The following DENND1A variants were observed in gnomAD, a reference collection of about 807,000 sequenced individuals.
DENND1A encodes DENN domain-containing protein 1A.
Under a neutral mutation model 113.7 loss-of-function variants are expected in DENND1A, and 51 were observed. The observed-to-expected ratio is 0.45, with a 90% CI of 0.36 to 0.57. The LOEUF is 0.57. Ranked by LOEUF, DENND1A falls within the 20% of genes least tolerant of loss-of-function variation. The probability of loss-of-function intolerance (pLI) is 0.00; values close to 1 mark genes in which losing one functional copy is unlikely to be tolerated. For synonymous variants in DENND1A, 565 were observed against 570.8 expected (o/e 0.99, Z 0.14); for missense variants, 1,258 against 1,395.9 (o/e 0.90, Z 1.57).
intron 13 of DENND1A, chr9:123,485,636 G>GTGTGTGTGTGTGCGCA (rs2050750638): frequency 2.0e-4 from 19 of 93,996 alleles, no homozygotes; most frequent in Admixed American, 9.5e-4. Context: ...GTGTGTGCGC[G>GTGTGTGTGTGTGCGCA]TACACACACG....
Position 123,381,294 on chromosome 9 carries a change from G to C in DENND1A, c.*138C>G, listed in dbSNP as rs2042253064. The C allele has an allele frequency of 1.2e-5, 9 of 772,278 alleles. No homozygotes were observed. Among genetic ancestry groups the C allele is most frequent in the Non-Finnish European group, 1.5e-5 (7 of 482,712 alleles). The allele number at this position is 772,278 out of a possible 1,614,324, so 47.8% of individuals were successfully genotyped here. On this transcript the variant is annotated 3_prime_UTR_variant, in exon 24 of 24. Transcript: ENST00000394215. The surrounding 1 kb of genome is among the most constrained non-coding windows in gnomAD (Gnocchi z 4.7). ...TCAGAGATGGGCAGTGTGGAGGGGAGGAGGGGGCAGCAGAGAGGGGTCCCA... is the reference window on the plus strand; with the variant it reads ...TCAGAGATGGGCAGTGTGGAGGGGACGAGGGGGCAGCAGAGAGGGGTCCCA...
chr9:123,443,063 C>T (rs1345210912), intron 18 of DENND1A, among the ~76,000 whole-genome samples: 1 of 152,124 alleles, frequency 6.6e-6, no homozygotes, highest in East Asian at 1.9e-4. Context: ...CCACAATGAT[C>T]ACAAGGTAAA....
intron 5 of DENND1A, among the ~76,000 whole-genome samples, chr9:123,727,173 G>A (rs2067769923): frequency 6.6e-6 from 1 of 152,140 alleles, no homozygotes; most frequent in African/African-American, 2.4e-5. Flanking sequence ...AACCACTGAA[G>A]GAAATATAAT....
intron 2 of DENND1A, among the ~76,000 whole-genome samples, chr9:123,799,510 G>A (rs1834298893): frequency 6.6e-6 from 1 of 152,146 alleles, no homozygotes; most frequent in African/African-American, 2.4e-5. Flanking sequence ...ATCAGCACAG[G>A]GGCATCTGGC....
intron 10 of DENND1A, among the ~76,000 whole-genome samples, chr9:123,623,487 C>T (rs2061051367): frequency 6.6e-6 from 1 of 152,040 alleles, no homozygotes; most frequent in Non-Finnish European, 1.5e-5. Context: ...GATTTGAATC[C>T]AGGTCTGCCT....
chr9:123,904,413 T>C (rs1852364479), intron 1 of DENND1A, among the ~76,000 whole-genome samples: 1 of 150,968 alleles, frequency 6.6e-6, no homozygotes, highest in Non-Finnish European at 1.5e-5. Context: ...GACGATCAAA[T>C]TACTCTGAGC....
At chr9:123,863,843 G>C (rs1055365560) in intron 2 of DENND1A, among the ~76,000 whole-genome samples, 2 of 152,244 alleles carry the variant, frequency 1.3e-5, no homozygotes, top group African/African-American at 4.8e-5. Context: ...AGGAAGCTGA[G>C]TATGGGCACA....
intron 9 of DENND1A, 126 bp from the exon 10 acceptor site, chr9:123,630,602 A>G (rs2061435071): frequency 7.0e-6 from 4 of 570,412 alleles, no homozygotes; most frequent in Non-Finnish European, 1.1e-5. Flanking sequence ...ACCTGGAGAA[A>G]TCATTCTAAG....
chr9:123,393,939 G>A (rs1330493150), intron 21 of DENND1A, among the ~76,000 whole-genome samples: 2 of 151,960 alleles, frequency 1.3e-5, no homozygotes, highest in Non-Finnish European at 2.9e-5. Context: ...GTGGGGGCGT[G>A]CCTGGCTCAA....
chr9:123,389,693 A>C (rs1309593474), intron 21 of DENND1A, among the ~76,000 whole-genome samples: 1 of 152,228 alleles, frequency 6.6e-6, no homozygotes, highest in African/African-American at 2.4e-5. Flanking sequence ...TGAGTAAATA[A>C]ATCTGTGGAG....
chr9:123,731,361 G>A (rs1297750454), intron 5 of DENND1A, among the ~76,000 whole-genome samples: 1 of 152,142 alleles, frequency 6.6e-6, no homozygotes, highest in Non-Finnish European at 1.5e-5. Context: ...TGATGGATAC[G>A]CAGAACAATG....
intron 5 of DENND1A, among the ~76,000 whole-genome samples, chr9:123,678,441 T>C (rs1396915684): frequency 6.6e-6 from 1 of 152,146 alleles, no homozygotes. Context: ...GAGAAGAAGG[T>C]TGTACCAAGC....
At chr9:123,505,703 T>C (rs1401440467) in intron 13 of DENND1A, among the ~76,000 whole-genome samples, 2 of 152,220 alleles carry the variant, frequency 1.3e-5, no homozygotes, top group African/African-American at 2.4e-5. Flanking sequence ...AACCGGAACG[T>C]GAAATATTCC....
intron 2 of DENND1A, among the ~76,000 whole-genome samples, chr9:123,834,592 C>T (rs1387082151): frequency 3.9e-5 from 6 of 152,174 alleles, no homozygotes; most frequent in Non-Finnish European, 8.8e-5. Context: ...CATAGATACA[C>T]ATGCATACGG....
chr9:123,386,955 G>A (rs1226075125), intron 22 of DENND1A, among the ~76,000 whole-genome samples: 9 of 152,216 alleles, frequency 5.9e-5, no homozygotes, highest in African/African-American at 7.2e-5. Context: ...TGACCAAAAC[G>A]ATTAACGTGC....
At position 123,676,759 on chromosome 9, in the gene DENND1A, C is replaced by T; in HGVS notation, c.333G>A (p.Lys111=). The change falls in exon 6 of 24, where the codon AAG becomes AAA. Residue 111 remains lysine (K), a synonymous_variant. Coordinates refer to ENST00000394215, the MANE Select transcript of DENND1A (RefSeq NM_001352964.2). ...SYLPWFEVFY[K]LLNILADYTT... is the part of the protein sequence containing the mutation. ...TGTAATCTGCCAGGATGTTAAGCAG[C>T]TTATAAAATACCTCGAACCAGGGGA... is the stretch of plus-strand genomic sequence containing the variant. 1 of 1,614,042 alleles carries T rather than the reference C, an allele frequency of 6.2e-7. No individual in the cohort carries two copies. The highest frequency in any genetic ancestry group is 1.1e-5 in the South Asian group (1 of 91,084).
At chr9:123,447,710 A>G (rs1210707479) in intron 18 of DENND1A, among the ~76,000 whole-genome samples, 6 of 151,584 alleles carry the variant, frequency 4.0e-5, no homozygotes. Flanking sequence ...CAAACTTGAG[A>G]TGTCTATATT....
intron 12 of DENND1A, among the ~76,000 whole-genome samples, chr9:123,572,795 C>G (rs916721011): frequency 1.1e-4 from 16 of 151,942 alleles, no homozygotes; most frequent in Admixed American, 1.0e-3. Context: ...AAGTTTTTAC[C>G]TTTCATGACA....
chr9:123,656,961 C>G lies in DENND1A; in HGVS notation c.508-4838G>C, dbSNP rs905026519. On this transcript the variant is annotated intron_variant, in intron 8 of 23. Transcript: ENST00000394215. ...ATTTCAGTTACACATACATTTATGTCCCCATGAGCATGTGCCTCTCCACCT... is the reference window on the plus strand; with the variant it reads ...ATTTCAGTTACACATACATTTATGTGCCCATGAGCATGTGCCTCTCCACCT... Among the ~76,000 whole-genome samples, 6 of 152,306 alleles carry G rather than the reference C, an allele frequency of 3.9e-5. No homozygotes were observed. In the East Asian group the frequency reaches 1.2e-3, roughly 29 times the overall value.
Sources: gnomAD v4.1 joint callset for allele counts (sites outside exome capture counted in the v4.1 genomes callset) on GRCh38, gnomAD v4.1.1 for gene constraint, Gnocchi (gnomAD v3.1) non-coding constraint, MANE v1.5 for transcripts, NCBI Gene and HGNC (gene_info 2026-07-23, HGNC 2026-07-21) for gene names.